Variants in KMT2C observed in about 807,000 individuals in gnomAD.
KMT2C encodes histone-lysine N-methyltransferase 2C.
In KMT2C, 88 loss-of-function variants were observed where a neutral mutation model predicts 507.9. The observed-to-expected ratio is 0.17, with a 90% CI of 0.15 to 0.21. The LOEUF (loss-of-function observed/expected upper bound fraction) is 0.21. Ranked by LOEUF, KMT2C falls within the 10% of genes least tolerant of loss-of-function variation. The pLI is 1.00. For synonymous variants in KMT2C, 2,049 were observed against 2,080.8 expected, an observed-to-expected ratio of 0.98 and a Z score of 0.42; for missense variants, 4,954 against 5,957.8, an observed-to-expected ratio of 0.83 and a Z score of 5.55.
At chr7:152,388,371 C>T (rs1177202166) in intron 1 of KMT2C, among the ~76,000 whole-genome samples, 9 of 152,054 alleles carry the variant, frequency 5.9e-5, no homozygotes, top group Admixed American at 1.3e-4. Flanking sequence ...CCAGACTTGT[C>T]GACATGGTGA....
intron 42 of KMT2C, among the ~76,000 whole-genome samples, chr7:152,164,242 A>T (rs2092614878): frequency 6.6e-6 from 1 of 152,172 alleles, no homozygotes; most frequent in Admixed American, 6.5e-5. Flanking sequence ...TCAAACTTGA[A>T]CCATTTAAAT....
intron 1 of KMT2C, among the ~76,000 whole-genome samples, chr7:152,390,644 A>T (rs1255393264): frequency 6.6e-6 from 1 of 152,172 alleles, no homozygotes. Context: ...GACATTCAAG[A>T]TCAAACAGAT....
rs1026459564 is a variant in KMT2C, at chr7:152,171,274, G to T, written c.9443C>A (p.Ala3148Asp). ...NSEGQNLGPQ[A>D]IPQDGSITHQ... ...TACAGGCAGTGTTACCTGAGGAATG[G>T]CCTGTGGTCCAAGGTTCTGTCCTTC... Residue 3148 changes from alanine (A) to aspartate (D), a missense_variant, in exon 40 of 59, where the codon GCC becomes GAC. Coordinates refer to ENST00000262189, the MANE Select transcript of KMT2C (RefSeq NM_170606.3). The T allele has an allele frequency of 1.2e-6, 2 of 1,606,778 alleles. No individual in the cohort carries two copies. Among genetic ancestry groups the T allele is most frequent in the South Asian group, 1.1e-5 (1 of 89,544 alleles).
intron 6 of KMT2C, among the ~76,000 whole-genome samples, chr7:152,299,135 T>C (rs1194677354): frequency 6.6e-6 from 1 of 151,684 alleles, no homozygotes; most frequent in Non-Finnish European, 1.5e-5. Flanking sequence ...CTGGCCAACA[T>C]GGTGAAACCC....
chr7:152,309,841 A>T (rs1296601172), intron 6 of KMT2C, 125 bp downstream of exon 6: 1 of 660,052 alleles, frequency 1.5e-6, no homozygotes, highest in Non-Finnish European at 2.6e-6. Flanking sequence ...CTTAATAAAA[A>T]TTAATAATTT....
At position 152,270,277 on chromosome 7, in the gene KMT2C, C is replaced by T. The variant is rs571471627; in HGVS notation, c.1012+3428G>A. Among the ~76,000 whole-genome samples, 4 of 152,216 alleles carry T rather than the reference C, an allele frequency of 2.6e-5. No individual in the cohort carries two copies. The South Asian group carries it at 8.3e-4, about 32-fold the overall frequency. On this transcript the variant is annotated intron_variant, in intron 7 of 58. Transcript: ENST00000262189. ...AGAATTTAGGGTAAAAGAAAAGCAA[C>T]AGGACTTAATGTCAAGAAATACAAA...
chr7:152,309,784 G>A (rs2096654354), intron 6 of KMT2C, 182 bp downstream of exon 6: 2 of 444,472 alleles, frequency 4.5e-6, no homozygotes, highest in Admixed American at 3.8e-5. Context: ...GCCTCCCAAA[G>A]TGCTGGGATT....
chr7:152,359,944 G>C (rs1429399047), intron 1 of KMT2C, among the ~76,000 whole-genome samples: 2 of 151,362 alleles, frequency 1.3e-5, no homozygotes, highest in Admixed American at 1.3e-4. Context: ...AGCTACTTGG[G>C]AGGCTGAGGC....
At chr7:152,337,420 T>C (rs1490360431) in intron 2 of KMT2C, among the ~76,000 whole-genome samples, 1 of 152,238 alleles carries the variant, frequency 6.6e-6, no homozygotes, top group Non-Finnish European at 1.5e-5. Context: ...ACCCTTTCCC[T>C]TAAATAAGTT....
intron 7 of KMT2C, among the ~76,000 whole-genome samples, chr7:152,270,654 C>T (rs2095947023): frequency 6.6e-6 from 1 of 152,082 alleles, no homozygotes; most frequent in Non-Finnish European, 1.5e-5. Context: ...ATGTTCTTTC[C>T]TCTTATCTTG....
chr7:152,197,122 G>A lies in KMT2C; in HGVS notation c.4274-1111C>T, dbSNP rs185738481. ...GAGGGGCTGGTAAGATTAGAAAAGG[G>A]CACTGGTGCAGTCTGAGAGGTGAGG... On this transcript the variant is annotated intron_variant, in intron 27 of 58. Transcript: ENST00000262189. 1.3e-3 allele frequency among the ~76,000 whole-genome samples: 192 copies of A among 152,298 alleles called. 1 individual carries two copies. Among genetic ancestry groups the A allele is most frequent in the Middle Eastern group, 0.01 (3 of 294 alleles).
intron 26 of KMT2C, among the ~76,000 whole-genome samples, chr7:152,201,114 T>G (rs1212821125): frequency 6.6e-6 from 1 of 152,164 alleles, no homozygotes; most frequent in Non-Finnish European, 1.5e-5. Flanking sequence ...CAGCAAGAAT[T>G]CTGTCTAATG....
chr7:152,156,189 G>A lies in KMT2C; in HGVS notation c.11812+16C>T. ...ACATTTCTCCGAGGTGTGAAATTTG[G>A]AGGCTATAATCATACCTTCATGGCT... On this transcript the variant is annotated intron_variant, in intron 45 of 58. Transcript: ENST00000262189. 6.2e-7 allele frequency: 1 copy of A among 1,612,952 alleles called. No homozygotes were observed. The highest frequency in any genetic ancestry group is 8.5e-7 in the Non-Finnish European group (1 of 1,179,216).
At chr7:152,413,388 C>T (rs1406330848) in intron 1 of KMT2C, among the ~76,000 whole-genome samples, 1 of 152,144 alleles carries the variant, frequency 6.6e-6, no homozygotes, top group East Asian at 1.9e-4. Context: ...GCTAAGATTA[C>T]AGGTGTAAGC....
intron 52 of KMT2C, among the ~76,000 whole-genome samples, chr7:152,147,245 G>A (rs1432516701): frequency 6.6e-6 from 1 of 151,820 alleles, no homozygotes; most frequent in African/African-American, 2.4e-5. Flanking sequence ...TGACAATCTA[G>A]ACTTAACCAT....
At chr7:152,329,783 T>G (rs983240545) in intron 3 of KMT2C, among the ~76,000 whole-genome samples, 1 of 151,836 alleles carries the variant, frequency 6.6e-6, no homozygotes, top group African/African-American at 2.4e-5. Flanking sequence ...ATGGATAATT[T>G]CATTATTTTA....
chr7:152,195,664 T>G (rs967791327), intron 28 of KMT2C: 1 of 493,568 alleles, frequency 2.0e-6, no homozygotes, highest in African/African-American at 2.1e-5. Flanking sequence ...ACAGCAAGAC[T>G]TTAAGGCAAC....
intron 42 of KMT2C, among the ~76,000 whole-genome samples, chr7:152,165,629 C>G (rs918421911): frequency 6.6e-6 from 1 of 152,138 alleles, no homozygotes; most frequent in Non-Finnish European, 1.5e-5. Flanking sequence ...GAGTCCAAAT[C>G]CCTAATCTAA....
At chr7:152,353,985 GT>G (rs200538589) in intron 2 of KMT2C, among the ~76,000 whole-genome samples, 3,037 of 152,198 alleles carry the variant, frequency 0.02, 117 homozygotes, top group African/African-American at 0.071. Flanking sequence ...GGATTTGCAG[GT>G]TTAGTGGTTA....
Sources: gnomAD v4.1 joint callset for allele counts (sites outside exome capture counted in the v4.1 genomes callset) on GRCh38, gnomAD v4.1.1 for gene constraint, MANE v1.5 for transcripts, NCBI Gene and HGNC (gene_info 2026-07-23, HGNC 2026-07-21) for gene names.